Variants in PCDHGA1 observed in about 807,000 individuals in gnomAD.
PCDHGA1 encodes protocadherin gamma-A1.
Under a neutral mutation model 58.0 loss-of-function variants are expected in PCDHGA1, and 32 were observed. The ratio of observed to expected loss-of-function variants is 0.55; its 90% CI spans 0.42 to 0.74. PCDHGA1 has a LOEUF of 0.74. Ranked by LOEUF, PCDHGA1 falls within the 30% of genes least tolerant of loss-of-function variation. The probability of loss-of-function intolerance (pLI) is 0.00; values close to 1 mark genes in which losing one functional copy is unlikely to be tolerated. For missense variants in PCDHGA1, 1,205 were observed against 1,182.3 expected, an observed-to-expected ratio of 1.02 and a Z score of -0.28; for synonymous variants, 498 against 501.1, an observed-to-expected ratio of 0.99 and a Z score of 0.08.
At chr5:141,389,117 G>A in intron 1 of PCDHGA1, 1 of 1,614,024 alleles carries the variant, frequency 6.2e-7, no homozygotes, top group Admixed American at 1.7e-5. Flanking sequence ...TAGACCGCGA[G>A]CAGAATCCAG....
At chr5:141,436,394 T>C (rs781428769) in intron 1 of PCDHGA1, among the ~76,000 whole-genome samples, 15 of 152,216 alleles carry the variant, frequency 9.9e-5, no homozygotes, top group Non-Finnish European at 1.9e-4. Flanking sequence ...CTTTATTAAA[T>C]AGTTGTTGAA....
chr5:141,375,059 G>A lies in PCDHGA1; in HGVS notation c.2421+41954G>A. On this transcript the variant is annotated intron_variant, in intron 1 of 3. Transcript: ENST00000517417. ...GGGTGTTGAAGCCCGGGATGGGCCA[G>A]GTCTTCGAGACAGAGCGAAAGTCTT... The A allele has an allele frequency of 2.5e-6, 4 of 1,614,038 alleles. No individual in the cohort carries two copies. The Admixed American group carries it at 6.7e-5, about 27-fold the overall frequency.
At chr5:141,374,277 G>T in intron 1 of PCDHGA1, 2 of 1,613,958 alleles carry the variant, frequency 1.2e-6, no homozygotes, top group African/African-American at 1.3e-5. Context: ...CACGGAGTCC[G>T]CATCGTCTCC....
chr5:141,356,163 C>T (rs746934600), intron 1 of PCDHGA1: 45 of 1,613,048 alleles, frequency 2.8e-5, no homozygotes, highest in Non-Finnish European at 3.8e-5. Flanking sequence ...ATGTAGAAGC[C>T]CATGATGGGC....
At chr5:141,345,427 A>G (rs766424263) in intron 1 of PCDHGA1, 2 of 1,613,670 alleles carry the variant, frequency 1.2e-6, no homozygotes, top group East Asian at 4.5e-5. Context: ...CCAGAAAACA[A>G]CCCCAGAGGA....
chr5:141,409,415 G>C, intron 1 of PCDHGA1: 1 of 1,614,008 alleles, frequency 6.2e-7, no homozygotes. Context: ...CTACAAACTG[G>C]TGACAGATGG....
At chr5:141,355,580 A>T (rs1204408500) in intron 1 of PCDHGA1, 1 of 1,614,038 alleles carries the variant, frequency 6.2e-7, no homozygotes, top group Admixed American at 1.7e-5. Context: ...ATCGATGTTA[A>T]TGATAACCCA....
chr5:141,362,803 A>C (rs148727944), intron 1 of PCDHGA1, among the ~76,000 whole-genome samples: 2 of 152,166 alleles, frequency 1.3e-5, no homozygotes, highest in African/African-American at 4.8e-5. Context: ...TCATCTTTAC[A>C]TTACTTCTCT....
At chr5:141,386,427 C>T (rs2090573409) in intron 1 of PCDHGA1, among the ~76,000 whole-genome samples, 1 of 152,052 alleles carries the variant, frequency 6.6e-6, no homozygotes. Context: ...CTGTAGCCCA[C>T]CTGCATGGGA....
chr5:141,492,072 C>G (rs2099736816), intron 1 of PCDHGA1: 2 of 480,040 alleles, frequency 4.2e-6, no homozygotes, highest in East Asian at 3.3e-5. Context: ...TCCTAGGCGC[C>G]GGCTCCGGCA....
intron 1 of PCDHGA1, chr5:141,388,870 G>T (rs1196888001): frequency 4.3e-6 from 7 of 1,613,964 alleles, no homozygotes; most frequent in Non-Finnish European, 5.9e-6. Flanking sequence ...ATTGCGCAAT[G>T]CACAGTGGAG....
chr5:141,395,259 C>A, intron 1 of PCDHGA1: 1 of 1,551,968 alleles, frequency 6.4e-7, no homozygotes, highest in South Asian at 1.2e-5. Context: ...TCTTTGCTTG[C>A]TTTTAATTTC....
chr5:141,351,943 C>T (rs548781270), intron 1 of PCDHGA1: 10 of 1,613,052 alleles, frequency 6.2e-6, no homozygotes, highest in African/African-American at 4.0e-5. Context: ...TGCTGTACCC[C>T]GCGCTGGGGC....
intron 1 of PCDHGA1, chr5:141,421,961 A>G: frequency 6.2e-7 from 1 of 1,612,542 alleles, no homozygotes; most frequent in Non-Finnish European, 8.5e-7. Context: ...ATGTTTACAC[A>G]GTCCGTATAT....
Position 141,477,771 on chromosome 5 carries a change from G to A in PCDHGA1, c.2422-17036G>A. 1 of 1,613,992 alleles carries A rather than the reference G, an allele frequency of 6.2e-7. No homozygotes were observed. The highest frequency in any genetic ancestry group is 1.3e-5 in the African/African-American group (1 of 75,054). ...ACCCCGGTCCTAGCCACCAACATCA[G>A]CGTGAACATATTTGTCACTGATCGC... On this transcript the variant is annotated intron_variant, in intron 1 of 3. Transcript: ENST00000517417. This position sits in a 1 kb window ranked among gnomAD's most constrained non-coding sequence, Gnocchi z 4.9.
rs140017060 is a variant in PCDHGA1 at position 141,340,031 on chromosome 5, A to G, written c.2421+6926A>G. On this transcript the variant is annotated intron_variant, in intron 1 of 3. Transcript: ENST00000517417. ...AGAATTTTACATGACATCTGCTACT[A>G]GCTCAGTTTCTGAAGACTCTCTTCC... 9.4e-5 allele frequency: 151 copies of G among 1,614,190 alleles called. No individual in the cohort carries two copies. In the African/African-American group the frequency reaches 1.8e-3, roughly 19 times the overall value.
rs1226359801 is a variant in PCDHGA1, at chr5:141,388,320, G to A, written c.2421+55215G>A. On this transcript the variant is annotated intron_variant, in intron 1 of 3. Coordinates refer to ENST00000517417, the MANE Select transcript of PCDHGA1 (RefSeq NM_018912.3). ...CTTTGAGCTGCAAATAAGTGAGTCT[G>A]CACAGCCTGGCACACGATTTATATT... is the stretch of plus-strand genomic sequence containing the variant. 9.3e-6 allele frequency: 15 copies of A among 1,613,768 alleles called. 1 individual carries two copies. The Admixed American group carries it at 2.5e-4, about 27-fold the overall frequency.
At chr5:141,347,660 G>A (rs763268636) in intron 1 of PCDHGA1, among the ~76,000 whole-genome samples, 7 of 151,898 alleles carry the variant, frequency 4.6e-5, no homozygotes, top group East Asian at 3.9e-4. Flanking sequence ...GGTGGTGGGC[G>A]CCTGTAATCC....
chr5:141,348,397 T>C (rs895476646), intron 1 of PCDHGA1, among the ~76,000 whole-genome samples: 3 of 152,148 alleles, frequency 2.0e-5, no homozygotes, highest in Non-Finnish European at 4.4e-5. Flanking sequence ...AGCATGACCC[T>C]GTCTCAAAAG....
Sources: allele counts gnomAD v4.1 joint callset (sites outside exome capture counted in the v4.1 genomes callset), GRCh38; gene constraint gnomAD v4.1.1; non-coding constraint Gnocchi (gnomAD v3.1); transcripts MANE v1.5; gene names NCBI Gene and HGNC (gene_info 2026-07-23, HGNC 2026-07-21).